Variants in NPFFR2 observed in about 807,000 individuals in gnomAD.
NPFFR2 encodes neuropeptide FF receptor 2.
In NPFFR2, 15 loss-of-function variants were observed where a neutral mutation model predicts 13.1. That is an observed-to-expected ratio of 1.15 (90% CI 0.77 to 1.76). The LOEUF is 1.76. Ranked by LOEUF, NPFFR2 falls within the 40% of genes most tolerant of loss-of-function variation. NPFFR2 has a pLI of 0.00. For synonymous variants in NPFFR2, 190 were observed against 175.7 expected, an observed-to-expected ratio of 1.08 and a Z score of -0.65; for missense variants, 572 against 503.5, an observed-to-expected ratio of 1.14 and a Z score of -1.30.
chr4:72,082,708 A>G (rs779614853), intron 1 of NPFFR2, among the ~76,000 whole-genome samples: 1 of 152,088 alleles, frequency 6.6e-6, no homozygotes, highest in Non-Finnish European at 1.5e-5. Context: ...TATACGCTAC[A>G]TTATTATTAA....
chr4:72,131,344 C>G (rs1722232584), intron 2 of NPFFR2, among the ~76,000 whole-genome samples: 1 of 150,026 alleles, frequency 6.7e-6, no homozygotes, highest in Non-Finnish European at 1.5e-5. Context: ...CTGTGCTAAA[C>G]AAAAAGAGGG....
At chr4:72,111,667 C>T (rs1275306950) in intron 1 of NPFFR2, among the ~76,000 whole-genome samples, 1 of 151,982 alleles carries the variant, frequency 6.6e-6, no homozygotes, top group Admixed American at 6.6e-5. Flanking sequence ...CCAAAAGTCA[C>T]CGTTCAGCAT....
chr4:72,033,778 C>T (rs945233870), intron 1 of NPFFR2, among the ~76,000 whole-genome samples: 5 of 152,176 alleles, frequency 3.3e-5, no homozygotes, highest in Non-Finnish European at 7.3e-5. Context: ...AATCATACTG[C>T]TCACCAATAC....
intron 3 of NPFFR2, among the ~76,000 whole-genome samples, chr4:72,140,191 C>A (rs116858512): frequency 0.031 from 4,651 of 152,126 alleles, 451 homozygotes; most frequent in Admixed American, 0.2. Flanking sequence ...TATACAATGA[C>A]GTCATCTGCA....
At chr4:72,033,362 A>T (rs1423348401) in intron 1 of NPFFR2, among the ~76,000 whole-genome samples, 2 of 152,192 alleles carry the variant, frequency 1.3e-5, no homozygotes, top group Non-Finnish European at 2.9e-5. Flanking sequence ...TTAATAAAAC[A>T]GTGATGCAAT....
At chr4:72,146,120 A>G (rs575004739) in intron 3 of NPFFR2, among the ~76,000 whole-genome samples, 102 of 152,282 alleles carry the variant, frequency 6.7e-4, no homozygotes, top group African/African-American at 2.4e-3. Flanking sequence ...AGTGGCTTCA[A>G]ACAATATTGG....
intron 1 of NPFFR2, among the ~76,000 whole-genome samples, chr4:72,042,740 G>A (rs1344678745): frequency 6.6e-6 from 1 of 152,154 alleles, no homozygotes; most frequent in Non-Finnish European, 1.5e-5. Context: ...AGGGCATCTG[G>A]CAGAAGAAAT....
rs192071483 is a variant in NPFFR2 at position 72,132,049 on chromosome 4, T to C, written c.328+3130T>C. 2.6e-5 allele frequency among the ~76,000 whole-genome samples: 4 copies of C among 152,264 alleles called. No individual in the cohort carries two copies. In the East Asian group the frequency reaches 7.7e-4, roughly 29 times the overall value. On this transcript the variant is annotated intron_variant, in intron 2 of 3. Coordinates refer to ENST00000308744, the MANE Select transcript of NPFFR2 (RefSeq NM_004885.3). ...TAATTCAGGGGTACATGTACAAGTT[T>C]ATTACACAGGTAAACTTGTGTCATG...
chr4:72,046,482 G>A (rs1719386372), intron 1 of NPFFR2, among the ~76,000 whole-genome samples: 1 of 152,200 alleles, frequency 6.6e-6, no homozygotes, highest in African/African-American at 2.4e-5. Flanking sequence ...CCAGACGCTG[G>A]CACCATCCTC....
Position 72,114,281 on chromosome 4 carries a change from A to G in NPFFR2, c.-7-14304A>G, listed in dbSNP as rs145531573. Among the ~76,000 whole-genome samples, 1,468 of 152,152 alleles carry G rather than the reference A, an allele frequency of 9.6e-3. 30 individuals carry two copies. Among genetic ancestry groups the G allele is most frequent in the African/African-American group, 0.034 (1,408 of 41,508 alleles). ...TCCAGCTGCCCAGAAGCCTCCCCTC[A>G]TGCTTGTTTCCTGTGACTACTTCCA... On this transcript the variant is annotated intron_variant, in intron 1 of 3. Coordinates refer to ENST00000308744, the MANE Select transcript of NPFFR2 (RefSeq NM_004885.3).
chr4:72,068,809 T>C, intron 1 of NPFFR2: 1 of 395,962 alleles, frequency 2.5e-6, no homozygotes. Flanking sequence ...AATGCTTAAG[T>C]TCTAGAATAT....
intron 3 of NPFFR2, among the ~76,000 whole-genome samples, chr4:72,145,692 T>C (rs1405494097): frequency 6.6e-6 from 1 of 152,184 alleles, no homozygotes; most frequent in East Asian, 1.9e-4. Flanking sequence ...CCAGGCTAAC[T>C]AGTCATTCTA....
At chr4:72,106,945 A>T (rs377529226) in intron 1 of NPFFR2, among the ~76,000 whole-genome samples, 5 of 152,110 alleles carry the variant, frequency 3.3e-5, no homozygotes, top group African/African-American at 9.6e-5. Flanking sequence ...TTTCACATTG[A>T]ATATCACGTC....
intron 1 of NPFFR2, among the ~76,000 whole-genome samples, chr4:72,055,820 A>G (rs893858371): frequency 1.3e-5 from 2 of 152,018 alleles, no homozygotes; most frequent in African/African-American, 4.8e-5. Context: ...CTGGATAGAA[A>G]ATCTAACAAG....
chr4:72,045,472 C>A (rs1719350226), intron 1 of NPFFR2, among the ~76,000 whole-genome samples: 1 of 152,094 alleles, frequency 6.6e-6, no homozygotes, highest in Non-Finnish European at 1.5e-5. Flanking sequence ...GATACTTTTG[C>A]CTTTGCTCTG....
intron 1 of NPFFR2, among the ~76,000 whole-genome samples, chr4:72,038,651 T>C (rs1719108367): frequency 6.6e-6 from 1 of 152,116 alleles, no homozygotes; most frequent in African/African-American, 2.4e-5. Context: ...TCAGGTTGCA[T>C]AGTATCTGTA....
intron 1 of NPFFR2, among the ~76,000 whole-genome samples, chr4:72,090,116 C>T (rs573630599): frequency 7.9e-5 from 12 of 152,134 alleles, no homozygotes; most frequent in East Asian, 5.8e-4. Flanking sequence ...TTTGCTTTGT[C>T]GAAGACCAGT....
intron 1 of NPFFR2, among the ~76,000 whole-genome samples, chr4:72,059,347 G>T (rs114428016): frequency 5.7e-4 from 87 of 152,090 alleles, no homozygotes; most frequent in African/African-American, 2.0e-3. Context: ...ACAAAAAACT[G>T]GTTTTTTGAC....
chr4:72,060,095 A>G (rs1423792858), intron 1 of NPFFR2, among the ~76,000 whole-genome samples: 6 of 152,146 alleles, frequency 3.9e-5, no homozygotes, highest in African/African-American at 1.4e-4. Flanking sequence ...AGGTCTAAAA[A>G]TTGGGTGAGA....
Sources: gnomAD v4.1 joint callset for allele counts (sites outside exome capture counted in the v4.1 genomes callset) on GRCh38, gnomAD v4.1.1 for gene constraint, MANE v1.5 for transcripts, NCBI Gene and HGNC (gene_info 2026-07-23, HGNC 2026-07-21) for gene names.